Variants in DISC1 observed in about 807,000 individuals in gnomAD.
DISC1 encodes disrupted in schizophrenia 1 protein.
A neutral mutation model predicts 84.5 loss-of-function variants in DISC1; 57 were observed. That is an observed-to-expected ratio of 0.67 (90% CI 0.55 to 0.84). The LOEUF (loss-of-function observed/expected upper bound fraction) is 0.84. DISC1 is among the 40% of genes least tolerant of loss of function. The pLI, the probability that DISC1 is intolerant of heterozygous loss-of-function variation, is 0.00. For synonymous variants in DISC1, 411 were observed against 415.2 expected, an observed-to-expected ratio of 0.99 and a Z score of 0.12; for missense variants, 1,000 against 1,057.8, an observed-to-expected ratio of 0.95 and a Z score of 0.76.
chr1:231,911,238 T>C (rs956614879), intron 9 of DISC1, among the ~76,000 whole-genome samples: 1 of 152,220 alleles, frequency 6.6e-6, no homozygotes, highest in African/African-American at 2.4e-5. Flanking sequence ...CTGGTTATTT[T>C]GCTCGTTGGT....
chr1:231,958,775 A>G, intron 9 of DISC1, 53 bp from the exon 10 acceptor site: 1 of 1,552,606 alleles, frequency 6.4e-7, no homozygotes. Context: ...AATGGTTTTT[A>G]TTCAATTGTG....
intron 9 of DISC1, among the ~76,000 whole-genome samples, chr1:231,906,986 T>TTTTC (rs918077675): frequency 7.2e-4 from 109 of 151,434 alleles, no homozygotes; most frequent in African/African-American, 2.3e-3. Context: ...CTTTTCTTTC[T>TTTTC]TTTCTTTCTT....
chr1:231,669,584 A>G (rs191626589), intron 1 of DISC1, among the ~76,000 whole-genome samples: 136 of 152,368 alleles, frequency 8.9e-4, no homozygotes, highest in African/African-American at 3.1e-3. Flanking sequence ...GACACTTTTC[A>G]AAAGAAGACA....
intron 9 of DISC1, among the ~76,000 whole-genome samples, chr1:231,831,475 T>C (rs1236127044): frequency 6.6e-6 from 1 of 151,572 alleles, no homozygotes; most frequent in African/African-American, 2.4e-5. Flanking sequence ...AGCAGGGGAG[T>C]AGGTGGGAAT....
intron 1 of DISC1, chr1:231,685,210 C>T (rs1216618372): frequency 6.6e-6 from 1 of 152,138 alleles, no homozygotes; most frequent in Non-Finnish European, 1.5e-5. Context: ...ATCTTCATAT[C>T]GATGTCTACC....
At chr1:231,783,810 C>A (rs930862514) in intron 6 of DISC1, among the ~76,000 whole-genome samples, 7 of 152,322 alleles carry the variant, frequency 4.6e-5, no homozygotes, top group African/African-American at 1.7e-4. Flanking sequence ...CTTTCCTCTG[C>A]TCACTGCCTT....
intron 9 of DISC1, among the ~76,000 whole-genome samples, chr1:231,822,798 T>C (rs955444690): frequency 1.7e-4 from 26 of 152,154 alleles, no homozygotes; most frequent in Non-Finnish European, 2.5e-4. Context: ...CTTCCACTCA[T>C]GGCAGAAGAT....
At chr1:231,969,193 T>G (rs1007742566) in intron 10 of DISC1, among the ~76,000 whole-genome samples, 2 of 147,452 alleles carry the variant, frequency 1.4e-5, no homozygotes, top group Non-Finnish European at 3.0e-5. Flanking sequence ...GCGGTTTTTT[T>G]TTTTTTTTTT....
rs566052654 is a variant in DISC1, at chr1:231,794,075, C to T, written c.1635-1167C>T. 1.7e-4 allele frequency among the ~76,000 whole-genome samples: 26 copies of T among 152,298 alleles called. No individual in the cohort carries two copies. In the East Asian group the frequency reaches 2.9e-3, roughly 17 times the overall value. ...CTGGAATTACAGGCGTGAGCCACCACGCCCGGCCCCTAACTAACTAAATAA... is the reference window on the plus strand; with the variant it reads ...CTGGAATTACAGGCGTGAGCCACCATGCCCGGCCCCTAACTAACTAAATAA... On this transcript the variant is annotated intron_variant, in intron 6 of 12. Transcript: ENST00000439617.
intron 3 of DISC1, among the ~76,000 whole-genome samples, chr1:231,736,554 A>G (rs200820514): frequency 8.5e-5 from 13 of 152,352 alleles, no homozygotes; most frequent in Admixed American, 1.3e-4. Context: ...TGCCCCAATC[A>G]TGGCTGATTT....
At chr1:231,877,408 C>A (rs936086906) in intron 9 of DISC1, among the ~76,000 whole-genome samples, 6 of 152,232 alleles carry the variant, frequency 3.9e-5, no homozygotes, top group African/African-American at 1.4e-4. Context: ...CTATAACTTA[C>A]CTCCTTTACT....
chr1:231,782,835 G>A (rs1251772257), intron 6 of DISC1, among the ~76,000 whole-genome samples: 2 of 152,030 alleles, frequency 1.3e-5, no homozygotes, highest in East Asian at 1.9e-4. Flanking sequence ...CCAGCTACTC[G>A]GGAGGCTGAG....
In DISC1 at chr1:232,031,382, G is replaced by A. The variant is rs1471036539; in HGVS notation, c.2425+4830G>A. The stretch of plus-strand genomic sequence containing the variant: ...AAGGGAAGGGAGAGGGAAAGGAGAA[G>A]GGAAAGGAAGAGAAGGGAAGAAGGG... On this transcript the variant is annotated intron_variant, in intron 12 of 12. Transcript: ENST00000439617. This position sits in a 1 kb window ranked among gnomAD's most constrained non-coding sequence, Gnocchi z 4.6. Among the ~76,000 whole-genome samples the A allele has an allele frequency of 6.7e-6, 1 of 148,908 alleles. No homozygotes were observed. The highest frequency in any genetic ancestry group is 2.0e-4 in the East Asian group (1 of 5,046).
At chr1:232,007,056 G>C in intron 10 of DISC1, among the ~76,000 whole-genome samples, 1 of 152,214 alleles carries the variant, frequency 6.6e-6, no homozygotes, top group East Asian at 1.9e-4. Context: ...CAAGAATTGA[G>C]GTTTGGGAAC....
intron 10 of DISC1, among the ~76,000 whole-genome samples, chr1:231,975,515 A>G (rs1198154945): frequency 6.6e-6 from 1 of 152,236 alleles, no homozygotes; most frequent in Non-Finnish European, 1.5e-5. Flanking sequence ...AAAAGCCTGC[A>G]CTTGTATGTT....
At chr1:231,885,841 A>G (rs2086641874) in intron 9 of DISC1, among the ~76,000 whole-genome samples, 1 of 152,206 alleles carries the variant, frequency 6.6e-6, no homozygotes, top group African/African-American at 2.4e-5. Context: ...CTAAGACTGC[A>G]AGATCAAATG....
intron 10 of DISC1, among the ~76,000 whole-genome samples, chr1:231,993,116 G>A (rs974549555): frequency 6.6e-6 from 1 of 152,048 alleles, no homozygotes; most frequent in Non-Finnish European, 1.5e-5. Flanking sequence ...GCCTTGAGAT[G>A]GGCCTTGATG....
At chr1:232,004,247 A>G (rs1258146158) in intron 10 of DISC1, among the ~76,000 whole-genome samples, 1 of 152,004 alleles carries the variant, frequency 6.6e-6, no homozygotes, top group Non-Finnish European at 1.5e-5. Flanking sequence ...AATCAATGAA[A>G]TAGTGAACAA....
intron 10 of DISC1, among the ~76,000 whole-genome samples, chr1:231,970,835 G>A (rs575723512): frequency 2.6e-5 from 4 of 152,174 alleles, no homozygotes; most frequent in Non-Finnish European, 5.9e-5. Context: ...TATTTAAGAA[G>A]GTCTGAGACT....
Sources: allele counts gnomAD v4.1 joint callset (sites outside exome capture counted in the v4.1 genomes callset), GRCh38; gene constraint gnomAD v4.1.1; non-coding constraint Gnocchi (gnomAD v3.1); transcripts MANE v1.5; gene names NCBI Gene and HGNC (gene_info 2026-07-23, HGNC 2026-07-21).